SMAD9: variants seen among roughly 807,000 people sequenced by gnomAD.
SMAD9 encodes the protein MAD homolog 9.
Under a neutral mutation model 46.1 loss-of-function variants are expected in SMAD9, and 36 were observed. The observed-to-expected ratio is 0.78, with a 90% CI of 0.60 to 1.03. The LOEUF is 1.03. SMAD9 is among the 50% of genes least tolerant of loss of function. The pLI is 0.00. For missense variants in SMAD9, 572 were observed against 599.8 expected (o/e 0.95, Z 0.48); for synonymous variants, 245 against 237.1 (o/e 1.03, Z -0.31).
intron 1 of SMAD9, among the ~76,000 whole-genome samples, chr13:36,918,324 A>C (rs2058714440): frequency 6.6e-6 from 1 of 152,196 alleles, no homozygotes; most frequent in South Asian, 2.1e-4. Flanking sequence ...TGTTCAGATC[A>C]AGAGTATGTT....
chr13:36,903,539 C>T (rs1224455593), intron 1 of SMAD9, among the ~76,000 whole-genome samples: 5 of 152,096 alleles, frequency 3.3e-5, no homozygotes, highest in Non-Finnish European at 7.4e-5. Flanking sequence ...GTAACTATCA[C>T]ATTAAACATT....
At chr13:36,874,995 A>G (rs1202373885) in intron 2 of SMAD9, among the ~76,000 whole-genome samples, 1 of 151,878 alleles carries the variant, frequency 6.6e-6, no homozygotes, top group East Asian at 1.9e-4. Context: ...ATAGATATGT[A>G]AGCATATTAT....
intron 2 of SMAD9, 54 bp downstream of exon 2, chr13:36,879,224 G>T: frequency 6.8e-7 from 1 of 1,473,498 alleles, no homozygotes; most frequent in Non-Finnish European, 9.5e-7. Flanking sequence ...TCCATCAATG[G>T]GGCACACGAC....
intron 3 of SMAD9, among the ~76,000 whole-genome samples, chr13:36,871,263 A>G (rs2138425217): frequency 6.6e-6 from 1 of 152,258 alleles, no homozygotes; most frequent in South Asian, 2.1e-4. Context: ...CCTGCCTGTA[A>G]TCTCAGCACT....
At chr13:36,889,499 T>C in intron 1 of SMAD9, among the ~76,000 whole-genome samples, 1 of 152,176 alleles carries the variant, frequency 6.6e-6, no homozygotes, top group East Asian at 1.9e-4. Context: ...GGCCATTAAC[T>C]CATAGAACAA....
chr13:36,874,527 C>A (rs1247035950), intron 2 of SMAD9, among the ~76,000 whole-genome samples: 3 of 151,932 alleles, frequency 2.0e-5, no homozygotes, highest in Non-Finnish European at 4.4e-5. Flanking sequence ...ATATAGATAT[C>A]AAGGATGAGA....
chr13:36,854,403 T>G (rs1157680052), intron 5 of SMAD9, among the ~76,000 whole-genome samples: 2 of 152,114 alleles, frequency 1.3e-5, no homozygotes, highest in African/African-American at 4.8e-5. Flanking sequence ...AGTCTCGCTC[T>G]GTCGCCTAGG....
chr13:36,880,864 T>A (rs1447108634), intron 1 of SMAD9, among the ~76,000 whole-genome samples: 5 of 152,238 alleles, frequency 3.3e-5, no homozygotes, highest in Admixed American at 2.6e-4. Context: ...ACAGTTTTTT[T>A]AATGATTCAA....
chr13:36,850,454 A>C (rs1414014705), intron 6 of SMAD9, among the ~76,000 whole-genome samples: 2 of 152,162 alleles, frequency 1.3e-5, no homozygotes, highest in Non-Finnish European at 2.9e-5. Context: ...ATCTCAGCTC[A>C]CTGCAACCTC....
intron 1 of SMAD9, among the ~76,000 whole-genome samples, chr13:36,884,921 G>C (rs1054643054): frequency 2.0e-5 from 3 of 152,212 alleles, no homozygotes; most frequent in African/African-American, 7.2e-5. Context: ...CTCAGCCCAG[G>C]GGGTCAGGGA....
intron 1 of SMAD9, among the ~76,000 whole-genome samples, chr13:36,897,136 C>A (rs2058535479): frequency 6.6e-6 from 1 of 152,176 alleles, no homozygotes; most frequent in Admixed American, 6.5e-5. Flanking sequence ...GTTCTAATTA[C>A]ATAAGTTCTA....
At chr13:36,916,916 G>A (rs2058702590) in intron 1 of SMAD9, among the ~76,000 whole-genome samples, 2 of 151,666 alleles carry the variant, frequency 1.3e-5, no homozygotes, top group African/African-American at 2.4e-5. Context: ...AGGTGCACAG[G>A]AGAGGAAAGC....
intron 1 of SMAD9, among the ~76,000 whole-genome samples, chr13:36,888,074 A>C (rs887798080): frequency 3.9e-5 from 6 of 152,164 alleles, no homozygotes; most frequent in African/African-American, 1.2e-4. Flanking sequence ...CAGAAAAAGG[A>C]GCTCCACTCT....
Position 36,902,702 on chromosome 13 carries a change from CA to C in SMAD9, c.-187+17413del, listed in dbSNP as rs1022334109. Among the ~76,000 whole-genome samples, 78 of 152,268 alleles carry C rather than the reference CA, an allele frequency of 5.1e-4. 1 individual carries two copies. The highest frequency in any genetic ancestry group is 1.9e-4 in the Non-Finnish European group (13 of 68,010). ...CAAACTCCTGACCTCGTGATCCGCT[CA>C]TCTCGGCCTCCCAAAGTGTTGGGAT... On this transcript the variant is annotated intron_variant, in intron 1 of 6. Coordinates refer to ENST00000379826, the MANE Select transcript of SMAD9 (RefSeq NM_001127217.3).
chr13:36,915,791 A>G (rs1474492256), intron 1 of SMAD9, among the ~76,000 whole-genome samples: 1 of 152,184 alleles, frequency 6.6e-6, no homozygotes, highest in Non-Finnish European at 1.5e-5. Flanking sequence ...CTTAATATTT[A>G]TGCCTTTTAT....
In SMAD9 at chr13:36,852,605, C is replaced by T. The variant is rs1055846401; in HGVS notation, c.1260+814G>A. The T allele has an allele frequency of 2.0e-4, 192 of 979,626 alleles. No individual in the cohort carries two copies. In the Middle Eastern group the frequency reaches 2.1e-3, roughly 11 times the overall value. The allele number at this position is 979,626 out of a possible 1,614,324, so 60.7% of individuals were successfully genotyped here. A position where few individuals can be genotyped will look rare whatever the true frequency, so the allele number is the denominator to read the frequency against. ...TGAATTAATCACACCCGTTTCTATT[C>T]CAAATTGTTTATACCTTTATAACAC... On this transcript the variant is annotated intron_variant, in intron 6 of 6. Transcript: ENST00000379826.
intron 1 of SMAD9, among the ~76,000 whole-genome samples, chr13:36,881,476 C>G (rs1166562422): frequency 1.3e-5 from 2 of 152,208 alleles, no homozygotes; most frequent in Non-Finnish European, 2.9e-5. Flanking sequence ...TATAACCCCC[C>G]GCTAGGGTGA....
intron 1 of SMAD9, 53 bp from the exon 2 acceptor site, chr13:36,879,928 AAGT>A: frequency 2.0e-6 from 1 of 508,350 alleles, no homozygotes; most frequent in Non-Finnish European, 3.5e-6. Context: ...CATTCAGAAA[AAGT>A]TGAAGTTGGA....
intron 1 of SMAD9, among the ~76,000 whole-genome samples, chr13:36,917,862 C>T (rs889971239): frequency 1.3e-5 from 2 of 152,186 alleles, no homozygotes; most frequent in Admixed American, 6.5e-5. Context: ...GCATAGTGCA[C>T]TCTCATTAAT....
Sources: allele counts gnomAD v4.1 joint callset (sites outside exome capture counted in the v4.1 genomes callset), GRCh38; gene constraint gnomAD v4.1.1; transcripts MANE v1.5; gene names NCBI Gene and HGNC (gene_info 2026-07-23, HGNC 2026-07-21).